PCDHGA11: variants seen among roughly 807,000 people sequenced by gnomAD.
PCDHGA11 encodes the protein protocadherin gamma subfamily A, 11.
Under a neutral mutation model 60.4 loss-of-function variants are expected in PCDHGA11, and 39 were observed. That is an observed-to-expected ratio of 0.65 (90% CI 0.50 to 0.84). The LOEUF is 0.84. Among genes scored for constraint, PCDHGA11 ranks in the 40% least tolerant of loss-of-function variants. The pLI is 0.00. For missense variants in PCDHGA11, 1,165 were observed against 1,197.7 expected (o/e 0.97, Z 0.40); for synonymous variants, 533 against 510.3 (o/e 1.04, Z -0.60).
intron 1 of PCDHGA11, among the ~76,000 whole-genome samples, chr5:141,470,877 T>C (rs1438812002): frequency 1.3e-5 from 2 of 151,808 alleles, no homozygotes; most frequent in Non-Finnish European, 2.9e-5. Context: ...TTTGTTTTTT[T>C]GTTTTTGTTT....
Position 141,510,968 on chromosome 5 carries a change from C to A in PCDHGA11, c.2603C>A (p.Thr868Asn). 1 of 1,614,150 alleles carries A rather than the reference C, an allele frequency of 6.2e-7. No individual in the cohort carries two copies. The highest frequency in any genetic ancestry group is 8.5e-7 in the Non-Finnish European group (1 of 1,180,014). The change falls in exon 4 of 4, where the codon ACC becomes AAC. Residue 868 changes from threonine (T) to asparagine (N), a missense_variant. Transcript: ENST00000398587. ...SASEAADGSS[T>N]LGGGAGTMGL... ...GCAGAAGCTGCTGATGGGAGCTCCA[C>A]CCTGGGAGGGGGTGCCGGCACCATG...
At chr5:141,500,241 C>T (rs1284996879) in intron 2 of PCDHGA11, among the ~76,000 whole-genome samples, 18 of 150,770 alleles carry the variant, frequency 1.2e-4, no homozygotes, top group Non-Finnish European at 1.5e-5. Flanking sequence ...CGTAGCCTTG[C>T]TCTGTCACCC....
At chr5:141,427,007 C>T (rs1215109574) in intron 1 of PCDHGA11, 2 of 456,668 alleles carry the variant, frequency 4.4e-6, no homozygotes, top group Admixed American at 2.3e-5. Flanking sequence ...CAGTTTTTAG[C>T]CAGGATGTAT....
Position 141,485,668 on chromosome 5 carries a change from T to C in PCDHGA11, c.2434-9139T>C. 6.2e-7 allele frequency: 1 copy of C among 1,612,698 alleles called. No homozygotes were observed. The highest frequency in any genetic ancestry group is 1.3e-5 in the African/African-American group (1 of 74,972). ...CTCAGGATGCAGATGTGGGGAGCAA[T>C]TCGATTAGCAGCTATAGGCTGAGCT... On this transcript the variant is annotated intron_variant, in intron 1 of 3. Transcript: ENST00000398587. The surrounding 1 kb of genome is among the most constrained non-coding windows in gnomAD (Gnocchi z 5.7).
chr5:141,478,499 G>A (rs77463374), intron 1 of PCDHGA11: 18 of 1,612,728 alleles, frequency 1.1e-5, no homozygotes, highest in African/African-American at 2.7e-5. Context: ...CTGTGATCCG[G>A]TGTTCTATAG....
chr5:141,510,083 G>A (rs2099879432), intron 3 of PCDHGA11, among the ~76,000 whole-genome samples: 1 of 152,104 alleles, frequency 6.6e-6, no homozygotes, highest in Non-Finnish European at 1.5e-5. Flanking sequence ...CAGAGTGCCT[G>A]GCACACAGTA....
Position 141,487,673 on chromosome 5 carries a change from C to T in PCDHGA11, c.2434-7134C>T. On this transcript the variant is annotated intron_variant, in intron 1 of 3. Transcript: ENST00000398587. The surrounding 1 kb of genome is among the most constrained non-coding windows in gnomAD (Gnocchi z 5.0). Reference sequence around the variant, plus strand: ...GGGTTATTCTGATCCAGGCATATGGCTAGGCCATGTCCTAGAGAGTACTGG... The same window carrying T: ...GGGTTATTCTGATCCAGGCATATGGTTAGGCCATGTCCTAGAGAGTACTGG... 6.2e-7 allele frequency: 1 copy of T among 1,611,456 alleles called. No homozygotes were observed. Among genetic ancestry groups the T allele is most frequent in the East Asian group, 2.2e-5 (1 of 44,852 alleles).
Position 141,494,842 on chromosome 5 carries a change from G to A in PCDHGA11, c.2469G>A (p.Gln823=). 1 of 1,614,116 alleles carries A rather than the reference G, an allele frequency of 6.2e-7. No homozygotes were observed. Among genetic ancestry groups the A allele is most frequent in the Non-Finnish European group, 8.5e-7 (1 of 1,180,018 alleles). The change falls in exon 2 of 4, where the codon CAG becomes CAA. Residue 823 remains glutamine, a synonymous_variant. Coordinates refer to ENST00000398587, the MANE Select transcript of PCDHGA11 (RefSeq NM_018914.3). ...APPNTDWRFS[Q]AQRPGTSGSQ... is the part of the protein sequence containing the mutation. ...CCAACACGGACTGGCGTTTCTCTCA[G>A]GCCCAGAGACCCGGCACCAGCGGGT... is the stretch of plus-strand genomic sequence containing the variant.
chr5:141,439,667 C>T (rs149776177), intron 1 of PCDHGA11, among the ~76,000 whole-genome samples: 2,012 of 152,292 alleles, frequency 0.013, 16 homozygotes, highest in Middle Eastern at 0.034. Context: ...TCATGGAATG[C>T]AAATCCAAGA....
At chr5:141,467,131 C>A (rs1441537783) in intron 1 of PCDHGA11, among the ~76,000 whole-genome samples, 1 of 151,702 alleles carries the variant, frequency 6.6e-6, no homozygotes, top group African/African-American at 2.4e-5. Flanking sequence ...CAGCTCACTG[C>A]AACCTCTGCC....
At position 141,491,735 on chromosome 5, in the gene PCDHGA11, G is replaced by C. The variant is rs765837152; in HGVS notation, c.2434-3072G>C. ...TCGGCGCCGCCCCGGGCGACCCCTG[G>C]GGGCGGCACTGGAGAAGCCGCCCGT... On this transcript the variant is annotated intron_variant, in intron 1 of 3. Coordinates refer to ENST00000398587, the MANE Select transcript of PCDHGA11 (RefSeq NM_018914.3). The surrounding 1 kb of genome is among the most constrained non-coding windows in gnomAD (Gnocchi z 6.9). 2.5e-6 allele frequency: 4 copies of C among 1,601,968 alleles called. No homozygotes were observed. In the South Asian group the frequency reaches 4.4e-5, roughly 18 times the overall value.
chr5:141,473,655 G>A (rs2099326380), intron 1 of PCDHGA11, among the ~76,000 whole-genome samples: 1 of 152,182 alleles, frequency 6.6e-6, no homozygotes, highest in Non-Finnish European at 1.5e-5. Context: ...AACAATTTGT[G>A]TGAAGGCCCT....
At chr5:141,437,668 G>A (rs72790049) in intron 1 of PCDHGA11, among the ~76,000 whole-genome samples, 16,651 of 151,822 alleles carry the variant, frequency 0.11, 1,007 homozygotes, top group African/African-American at 0.17. Context: ...TCGAAGAGAT[G>A]TTGATCAAAC....
At chr5:141,427,188 A>G (rs1346514063) in intron 1 of PCDHGA11, 1 of 456,744 alleles carries the variant, frequency 2.2e-6, no homozygotes, top group Admixed American at 2.3e-5. Flanking sequence ...AATTAAATCC[A>G]AAGACTTAAT....
chr5:141,478,685 A>G, intron 1 of PCDHGA11: 3 of 1,551,308 alleles, frequency 1.9e-6, no homozygotes, highest in Non-Finnish European at 2.6e-6. Context: ...GGCCCTTCCT[A>G]GATCAAAGTT....
intron 1 of PCDHGA11, among the ~76,000 whole-genome samples, chr5:141,473,380 G>A (rs1363453338): frequency 6.6e-6 from 1 of 152,204 alleles, no homozygotes; most frequent in African/African-American, 2.4e-5. Context: ...CATGGTCCCT[G>A]CCCTCCTGGA....
chr5:141,509,320 C>T (rs1261653347), intron 3 of PCDHGA11, among the ~76,000 whole-genome samples: 2 of 152,194 alleles, frequency 1.3e-5, no homozygotes, highest in East Asian at 3.8e-4. Flanking sequence ...GGGAGAGAAG[C>T]TCTACTGCCA....
intron 1 of PCDHGA11, chr5:141,478,531 C>T (rs771145308): frequency 1.9e-6 from 3 of 1,608,190 alleles, no homozygotes; most frequent in Non-Finnish European, 2.5e-6. Flanking sequence ...GTGCAGAGAG[C>T]GCCCCTCCCG....
intron 1 of PCDHGA11, among the ~76,000 whole-genome samples, chr5:141,464,827 C>T (rs529757361): frequency 1.5e-4 from 23 of 152,246 alleles, no homozygotes; most frequent in African/African-American, 4.6e-4. Flanking sequence ...TAGCCTCGCA[C>T]TCCTGGGCTC....
Sources: allele counts gnomAD v4.1 joint callset (sites outside exome capture counted in the v4.1 genomes callset), GRCh38; gene constraint gnomAD v4.1.1; non-coding constraint Gnocchi (gnomAD v3.1); transcripts MANE v1.5; gene names NCBI Gene and HGNC (gene_info 2026-07-23, HGNC 2026-07-21).